Variants in CAMK1D observed in about 807,000 individuals in gnomAD.
The protein encoded by CAMK1D is calcium/calmodulin-dependent protein kinase type 1D.
CAMK1D carries 9 observed loss-of-function variants against 47.7 expected under a neutral mutation model. The observed-to-expected ratio is 0.19, with a 90% confidence interval of 0.11 to 0.33. The LOEUF is 0.33. Among genes scored for constraint, CAMK1D ranks in the 10% least tolerant of loss-of-function variants. The pLI, the probability that CAMK1D is intolerant of heterozygous loss-of-function variation, is 1.00. For missense variants in CAMK1D, 291 were observed against 488.7 expected, an observed-to-expected ratio of 0.60 and a Z score of 3.81; for synonymous variants, 184 against 184.9, an observed-to-expected ratio of 0.99 and a Z score of 0.04.
intron 2 of CAMK1D, among the ~76,000 whole-genome samples, chr10:12,623,413 T>C (rs1328881488): frequency 0.11 from 85 of 750 alleles, 17 homozygotes; most frequent in Non-Finnish European, 0.25. Flanking sequence ...TCCTCCCTCC[T>C]TTCTTTCCTT....
At position 12,520,387 on chromosome 10, in the gene CAMK1D, C is replaced by T. The variant is rs1028871059; in HGVS notation, c.93-32838C>T. Among the ~76,000 whole-genome samples, 3 of 96,922 alleles carry T rather than the reference C, an allele frequency of 3.1e-5. 1 individual carries two copies. Among genetic ancestry groups the T allele is most frequent in the East Asian group, 5.9e-4 (2 of 3,388 alleles). 63.6% of individuals were successfully genotyped at this position (96,922 alleles called of 152,430 possible). ...AGTTGGGATGGCGGCCGGGCAGAGA[C>T]GCTCCTCACTTCTTAGATGGGATGG... On this transcript the variant is annotated intron_variant, in intron 1 of 10. Transcript: ENST00000619168.
At position 12,814,877 on chromosome 10, in the gene CAMK1D, C is replaced by G. The variant is rs73578031; in HGVS notation, c.754+570C>G. 2.3e-3 allele frequency among the ~76,000 whole-genome samples: 350 copies of G among 152,296 alleles called. 1 individual carries two copies. Among genetic ancestry groups the G allele is most frequent in the African/African-American group, 8.2e-3 (342 of 41,570 alleles). On this transcript the variant is annotated intron_variant, in intron 7 of 10. Transcript: ENST00000619168. ...GAGGACAAGCTTGGGACATCTGGCT[C>G]GAGCCACGCTGAGAGATGGGGACCC...
In CAMK1D at chr10:12,563,279, C is replaced by T. The variant is rs181819895; in HGVS notation, c.224+9923C>T. 5.7e-4 allele frequency among the ~76,000 whole-genome samples: 87 copies of T among 152,250 alleles called. 2 individuals carry two copies. The highest frequency in any genetic ancestry group is 5.7e-3 in the Admixed American group (87 of 15,294). ...CTGAGGTGGGAAGATCACTTGAGTC[C>T]AGGAGTCGAGGCTGCAGTGAGCTGT... is the stretch of plus-strand genomic sequence containing the variant. On this transcript the variant is annotated intron_variant, in intron 2 of 10. Coordinates refer to ENST00000619168, the MANE Select transcript of CAMK1D (RefSeq NM_153498.4).
At chr10:12,623,559 C>G (rs558581379) in intron 2 of CAMK1D, among the ~76,000 whole-genome samples, 3 of 148,878 alleles carry the variant, frequency 2.0e-5, no homozygotes, top group African/African-American at 5.0e-5. Flanking sequence ...CCACATTTAT[C>G]GGACCACAAA....
chr10:12,399,659 T>C (rs1839101986), intron 1 of CAMK1D, among the ~76,000 whole-genome samples: 1 of 152,178 alleles, frequency 6.6e-6, no homozygotes, highest in African/African-American at 2.4e-5. Context: ...TAAAACAAAC[T>C]ATAGTGCTTC....
chr10:12,628,609 A>T (rs111760864), intron 2 of CAMK1D, among the ~76,000 whole-genome samples: 1 of 152,166 alleles, frequency 6.6e-6, no homozygotes, highest in African/African-American at 2.4e-5. Context: ...GCTATAATTG[A>T]TGAGCCAGTA....
At chr10:12,476,163 G>A (rs1270137000) in intron 1 of CAMK1D, among the ~76,000 whole-genome samples, 4 of 152,034 alleles carry the variant, frequency 2.6e-5, no homozygotes, top group Non-Finnish European at 5.9e-5. Flanking sequence ...ATGGTGGCAC[G>A]TGCCTATAAT....
chr10:12,774,704 T>A (rs1429408733), intron 5 of CAMK1D, among the ~76,000 whole-genome samples: 1 of 152,184 alleles, frequency 6.6e-6, no homozygotes, highest in Non-Finnish European at 1.5e-5. Flanking sequence ...GGCAGGCTGG[T>A]GGGCATTCCT....
In CAMK1D at chr10:12,810,727, C is replaced by T. The variant is rs11258003; in HGVS notation, c.642-3468C>T. Among the ~76,000 whole-genome samples, 76 of 152,276 alleles carry T rather than the reference C, an allele frequency of 5.0e-4. 2 individuals carry two copies. Among genetic ancestry groups the T allele is most frequent in the South Asian group, 3.5e-3 (17 of 4,808 alleles). ...ACAAAGTCAGATTGACTTCAACGCC[C>T]GAAGTTCAATTCTTGAGTCCCCTCC... On this transcript the variant is annotated intron_variant, in intron 6 of 10. Coordinates refer to ENST00000619168, the MANE Select transcript of CAMK1D (RefSeq NM_153498.4).
intron 1 of CAMK1D, among the ~76,000 whole-genome samples, chr10:12,437,044 A>G (rs183976955): frequency 1.6e-4 from 24 of 152,244 alleles, no homozygotes; most frequent in East Asian, 5.8e-4. Flanking sequence ...GCTTAGTTCA[A>G]TCAGCAAGGA....
chr10:12,445,503 A>G (rs1832900007), intron 1 of CAMK1D, among the ~76,000 whole-genome samples: 1 of 152,174 alleles, frequency 6.6e-6, no homozygotes, highest in South Asian at 2.1e-4. Context: ...CAATGTTAGC[A>G]TTGCCCTTAC....
rs553879721 is a variant in CAMK1D, at chr10:12,570,898, C to T, written c.224+17542C>T. Among the ~76,000 whole-genome samples, 11 of 152,146 alleles carry T rather than the reference C, an allele frequency of 7.2e-5. No homozygotes were observed. The South Asian group carries it at 2.3e-3, about 32-fold the overall frequency. Reference sequence around the variant, plus strand: ...ACCCAGAGGCGGAGGTTGTAGTGAGCCGAGATTGCGTCACTGCACTCTAGC... The same window carrying T: ...ACCCAGAGGCGGAGGTTGTAGTGAGTCGAGATTGCGTCACTGCACTCTAGC... On this transcript the variant is annotated intron_variant, in intron 2 of 10. Coordinates refer to ENST00000619168, the MANE Select transcript of CAMK1D (RefSeq NM_153498.4).
chr10:12,587,325 CT>C (rs1243187576), intron 2 of CAMK1D, among the ~76,000 whole-genome samples: 3 of 152,126 alleles, frequency 2.0e-5, no homozygotes, highest in African/African-American at 7.2e-5. Flanking sequence ...TGTGGAGCCC[CT>C]CTCATCATAT....
Position 12,708,167 on chromosome 10 carries a change from C to T in CAMK1D, c.299+41357C>T, listed in dbSNP as rs77918721. Among the ~76,000 whole-genome samples, 904 of 152,310 alleles carry T rather than the reference C, an allele frequency of 5.9e-3. 8 individuals carry two copies. Among genetic ancestry groups the T allele is most frequent in the African/African-American group, 0.02 (842 of 41,562 alleles). ...GTTTTAGTGAGGGCCTTAATAGTCC[C>T]CCCAGAGGTTCCACGTATGCACCTC... is the stretch of plus-strand genomic sequence containing the variant. On this transcript the variant is annotated intron_variant, in intron 3 of 10. Transcript: ENST00000619168.
chr10:12,466,386 C>T (rs548506231), intron 1 of CAMK1D, among the ~76,000 whole-genome samples: 5 of 151,812 alleles, frequency 3.3e-5, no homozygotes, highest in East Asian at 3.9e-4. Context: ...CCAGCCTGGG[C>T]GACAGAGCGA....
intron 1 of CAMK1D, among the ~76,000 whole-genome samples, chr10:12,365,340 T>C (rs1295088348): frequency 6.6e-6 from 1 of 152,184 alleles, no homozygotes; most frequent in Non-Finnish European, 1.5e-5. Flanking sequence ...AGATCCCAAA[T>C]GAGATAAGAA....
At chr10:12,628,846 T>G (rs527655457) in intron 2 of CAMK1D, among the ~76,000 whole-genome samples, 2 of 152,262 alleles carry the variant, frequency 1.3e-5, no homozygotes, top group African/African-American at 4.8e-5. Context: ...TTCATAGTTT[T>G]ACCTTTTCTA....
chr10:12,522,059 A>T (rs948306987), intron 1 of CAMK1D, among the ~76,000 whole-genome samples: 1 of 151,826 alleles, frequency 6.6e-6, no homozygotes, highest in Non-Finnish European at 1.5e-5. Context: ...TGAGCCATTT[A>T]CATTTACTCT....
chr10:12,736,175 C>A (rs904364671), intron 3 of CAMK1D, among the ~76,000 whole-genome samples: 1 of 152,240 alleles, frequency 6.6e-6, no homozygotes, highest in Non-Finnish European at 1.5e-5. Flanking sequence ...CTACGAGTTT[C>A]TTCCCCAGTG....
Sources: gnomAD v4.1 joint callset for allele counts (sites outside exome capture counted in the v4.1 genomes callset) on GRCh38, gnomAD v4.1.1 for gene constraint, MANE v1.5 for transcripts, NCBI Gene and HGNC (gene_info 2026-07-23, HGNC 2026-07-21) for gene names.